XK: variants seen among roughly 807,000 people sequenced by gnomAD.
XK encodes X-linked Kx blood group antigen, Kell and VPS13A binding protein, also known as endoplasmic reticulum membrane adapter protein XK.
XK carries 2 observed loss-of-function variants against 14.0 expected under a neutral mutation model. The observed-to-expected ratio is 0.14, with a 90% confidence interval of 0.06 to 0.45. The LOEUF (loss-of-function observed/expected upper bound fraction) is 0.45. Among genes scored for constraint, XK ranks in the 20% least tolerant of loss-of-function variants. The pLI is 0.98. For missense variants in XK, 235 were observed against 341.5 expected (o/e 0.69, Z 2.46); for synonymous variants, 149 against 147.5 (o/e 1.01, Z -0.08).
intron 2 of XK, among the ~76,000 whole-genome samples, chrX:37,696,205 A>G (rs1927304254): frequency 8.9e-6 from 1 of 112,448 alleles, no homozygotes; most frequent in Non-Finnish European, 1.9e-5. Context: ...ATTGTCTGTG[A>G]CTGTTTTGGG....
chrX:37,685,979 G>C lies in XK; in HGVS notation c.18G>C (p.Ser6=). MKFPA[S]VLASVFLFVA... ...GCGCGGAGATGAAATTCCCGGCCTCGGTGCTGGCGTCCGTGTTCCTGTTCG... is the reference window on the plus strand; with the variant it reads ...GCGCGGAGATGAAATTCCCGGCCTCCGTGCTGGCGTCCGTGTTCCTGTTCG... The change falls in exon 1 of 3, where the codon TCG becomes TCC. Residue 6 remains serine, a synonymous_variant. Coordinates refer to ENST00000378616, the MANE Select transcript of XK (RefSeq NM_021083.4). The C allele has an allele frequency of 8.3e-7, 1 of 1,207,098 alleles. No homozygotes were observed. The highest frequency in any genetic ancestry group is 3.0e-5 in the East Asian group (1 of 33,726).
chrX:37,692,839 T>C (rs1556441671), intron 1 of XK, among the ~76,000 whole-genome samples: 1 of 112,291 alleles, frequency 8.9e-6, no homozygotes, highest in Non-Finnish European at 1.9e-5. Context: ...ATTGAACTCA[T>C]GGCCTGAACT....
chrX:37,713,637 C>T (rs935894811), intron 2 of XK, among the ~76,000 whole-genome samples: 6 of 108,333 alleles, frequency 5.5e-5, no homozygotes, highest in East Asian at 2.9e-4. Flanking sequence ...ATTCAGTTTC[C>T]GTTAGCCAAG....
chrX:37,699,622 C>T (rs1325584225), intron 2 of XK, among the ~76,000 whole-genome samples: 1 of 112,237 alleles, frequency 8.9e-6, no homozygotes, highest in Non-Finnish European at 1.9e-5. Flanking sequence ...ACTGGCAATA[C>T]AAAGCTAGAA....
chrX:37,694,006 C>T (rs1372813234), intron 1 of XK, among the ~76,000 whole-genome samples: 3 of 112,057 alleles, frequency 2.7e-5, no homozygotes, highest in Non-Finnish European at 5.6e-5. Flanking sequence ...GCTCTGGAGC[C>T]GGAACCACTT....
intron 2 of XK, among the ~76,000 whole-genome samples, chrX:37,713,664 A>G (rs1556447221): frequency 9.1e-6 from 1 of 109,341 alleles, no homozygotes; most frequent in East Asian, 2.9e-4. Flanking sequence ...TCACATGTCC[A>G]TGCCAAACCA....
intron 1 of XK, among the ~76,000 whole-genome samples, chrX:37,686,490 G>A (rs2146806466): frequency 8.9e-6 from 1 of 112,284 alleles, no homozygotes; most frequent in South Asian, 3.8e-4. Flanking sequence ...GTTTCTTGTG[G>A]TTCAACCTCA....
intron 2 of XK, among the ~76,000 whole-genome samples, chrX:37,725,898 C>T (rs1194704483): frequency 1.8e-5 from 2 of 111,457 alleles, no homozygotes; most frequent in African/African-American, 3.3e-5. Context: ...TTCTGGAAAA[C>T]GTAAAACTAT....
rs781898059 is a variant in XK at position 37,728,152 on chromosome X, T to C, written c.1025T>C (p.Ile342Thr). The C allele has an allele frequency of 2.5e-6, 3 of 1,211,357 alleles. No individual in the cohort carries two copies. Among genetic ancestry groups the C allele is most frequent in the Non-Finnish European group, 3.4e-6 (3 of 895,394 alleles). ...LLLWYLFKTDIYMYVCAPLLV... is the reference protein window; with the variant it reads ...LLLWYLFKTDTYMYVCAPLLV... The stretch of plus-strand genomic sequence containing the variant: ...CTGTGGTATCTTTTCAAGACTGACA[T>C]CTATATGTATGTGTGCGCACCTCTG... The change falls in exon 3 of 3, where the codon ATC (isoleucine) becomes ACC (threonine). Residue 342 changes from isoleucine to threonine, a missense_variant. Ile to Thr is a moderately conservative substitution (Grantham distance 89, BLOSUM62 -1). Transcript: ENST00000378616.
intron 2 of XK, among the ~76,000 whole-genome samples, chrX:37,708,099 G>A (rs1340626046): frequency 5.3e-5 from 6 of 112,258 alleles, no homozygotes; most frequent in African/African-American, 9.7e-5. Context: ...TCAGGCACTC[G>A]GCAGGCTGAG....
At chrX:37,701,245 T>C (rs1927410234) in intron 2 of XK, among the ~76,000 whole-genome samples, 1 of 112,717 alleles carries the variant, frequency 8.9e-6, no homozygotes, top group African/African-American at 3.2e-5. Context: ...ATGTATTTCA[T>C]AGAACAGCAT....
At chrX:37,719,428 CTCTCTCTT>C (rs1327540711) in intron 2 of XK, among the ~76,000 whole-genome samples, 10 of 110,507 alleles carry the variant, frequency 9.0e-5, no homozygotes, top group South Asian at 3.7e-4. Flanking sequence ...CCATTCTTTT[CTCTCTCTT>C]TCTCTCTTTC....
chrX:37,687,444 T>C (rs1219449326), intron 1 of XK, among the ~76,000 whole-genome samples: 2 of 109,612 alleles, frequency 1.8e-5, no homozygotes, highest in African/African-American at 6.7e-5. Context: ...ATTTTCTTTT[T>C]TCTTTCTTTT....
At chrX:37,694,947 T>TTTG (rs1389366107) in intron 2 of XK, among the ~76,000 whole-genome samples, 1 of 112,194 alleles carries the variant, frequency 8.9e-6, no homozygotes, top group African/African-American at 3.2e-5. Flanking sequence ...GGTAGCTGCT[T>TTTG]CCAAGGGTGA....
At chrX:37,706,841 G>C (rs896815792) in intron 2 of XK, among the ~76,000 whole-genome samples, 1 of 109,053 alleles carries the variant, frequency 9.2e-6, no homozygotes, top group Non-Finnish European at 1.9e-5. Flanking sequence ...GACTCTTAAC[G>C]AGCATGCTGC....
chrX:37,706,677 G>A (rs989580595), intron 2 of XK, among the ~76,000 whole-genome samples: 12 of 107,802 alleles, frequency 1.1e-4, no homozygotes, highest in Middle Eastern at 4.7e-3. Flanking sequence ...GGTGTTTCTC[G>A]CAGAGGGGGA....
At chrX:37,700,263 GATGTACC>G (rs377019590) in intron 2 of XK, among the ~76,000 whole-genome samples, 13 of 111,676 alleles carry the variant, frequency 1.2e-4, no homozygotes, top group African/African-American at 4.2e-4. Context: ...CCTCTTGGAG[GATGTACC>G]CACCATCAGG....
At position 37,707,529 on chromosome X, in the gene XK, C is replaced by T. The variant is rs781968587; in HGVS notation, c.508+12981C>T. 3.9e-4 allele frequency among the ~76,000 whole-genome samples: 40 copies of T among 103,329 alleles called. 1 individual carries two copies. Among genetic ancestry groups the T allele is most frequent in the African/African-American group, 1.2e-3 (33 of 26,647 alleles). The allele number at this position is 103,329 out of a possible 115,157, so 89.7% of individuals were successfully genotyped here. ...GCGGAAGGGCTCCTCACTTCTCAGA[C>T]GGGGCGGCTGCCGGGCGGAGGGGCT... On this transcript the variant is annotated intron_variant, in intron 2 of 2. Coordinates refer to ENST00000378616, the MANE Select transcript of XK (RefSeq NM_021083.4).
rs1927873200 is a variant in XK, at chrX:37,721,592, A to G, written c.509-6044A>G. The stretch of plus-strand genomic sequence containing the variant: ...TGTGGAAAAATTGGAATCCTCATAG[A>G]CTAATGGTTGAAATATGAAATGGTG... On this transcript the variant is annotated intron_variant, in intron 2 of 2. Transcript: ENST00000378616. Among the ~76,000 whole-genome samples the G allele has an allele frequency of 2.7e-5, 3 of 111,749 alleles. No homozygotes were observed. The South Asian group carries it at 1.1e-3, about 41-fold the overall frequency.
Sources: allele counts gnomAD v4.1 joint callset (sites outside exome capture counted in the v4.1 genomes callset), GRCh38; gene constraint gnomAD v4.1.1; transcripts MANE v1.5; gene names NCBI Gene and HGNC (gene_info 2026-07-23, HGNC 2026-07-21).